Variants in CCPG1 observed in about 807,000 individuals in gnomAD.
The protein encoded by CCPG1 is cell cycle progression protein 1.
A neutral mutation model predicts 81.3 loss-of-function variants in CCPG1; 46 were observed. The observed-to-expected ratio is 0.57, with a 90% CI of 0.45 to 0.72. The LOEUF (loss-of-function observed/expected upper bound fraction) is 0.72, where lower values mean the gene tolerates loss of function less well. Among genes scored for constraint, CCPG1 ranks in the 30% least tolerant of loss-of-function variants. The probability of loss-of-function intolerance (pLI) is 0.00; values close to 1 mark genes in which losing one functional copy is unlikely to be tolerated. For synonymous variants in CCPG1, 330 were observed against 305.2 expected, an observed-to-expected ratio of 1.08 and a Z score of -0.85; for missense variants, 902 against 937.6, an observed-to-expected ratio of 0.96 and a Z score of 0.50.
intron 1 of CCPG1, among the ~76,000 whole-genome samples, chr15:55,391,889 G>GT (rs1329634091): frequency 2.8e-5 from 3 of 109,034 alleles, no homozygotes; most frequent in South Asian, 3.5e-4. Context: ...AAAAAAAAAG[G>GT]GGGGGGGGGG....
intron 1 of CCPG1, among the ~76,000 whole-genome samples, chr15:55,405,483 G>A (rs1258654589): frequency 6.6e-6 from 1 of 152,154 alleles, no homozygotes; most frequent in Non-Finnish European, 1.5e-5. Context: ...CCAGCTACTA[G>A]GAAGCAGAGG....
chr15:55,374,059 C>T (rs2056507868), intron 5 of CCPG1: 10 of 591,632 alleles, frequency 1.7e-5, no homozygotes, highest in Non-Finnish European at 2.2e-5. Flanking sequence ...TAGAGTATTG[C>T]GGATGACAAC....
chr15:55,367,644 T>C (rs2056358940), intron 6 of CCPG1, among the ~76,000 whole-genome samples: 1 of 150,538 alleles, frequency 6.6e-6, no homozygotes, highest in Non-Finnish European at 1.5e-5. Context: ...AAATCAAACC[T>C]CAACACCTGC....
chr15:55,399,419 A>G (rs867358728), intron 1 of CCPG1, among the ~76,000 whole-genome samples: 3 of 144,872 alleles, frequency 2.1e-5, no homozygotes, highest in African/African-American at 7.7e-5. Flanking sequence ...TAAAAATACA[A>G]AAAAAAAAAA....
intron 8 of CCPG1, chr15:55,358,708 C>A: frequency 1.0e-6 from 1 of 985,436 alleles, no homozygotes; most frequent in Non-Finnish European, 1.2e-6. Context: ...ACCTTAATTT[C>A]ATTTATTTAC....
At chr15:55,401,641 G>C (rs145625241) in intron 1 of CCPG1, among the ~76,000 whole-genome samples, 1,644 of 146,072 alleles carry the variant, frequency 0.011, 13 homozygotes, top group South Asian at 0.015. Flanking sequence ...ACTCCAGCCT[G>C]GGCGTAAGAA....
rs374742445 is a variant in CCPG1, at chr15:55,375,793, C to T, written c.454+1156G>A. 4.3e-4 allele frequency among the ~76,000 whole-genome samples: 65 copies of T among 151,834 alleles called. No individual in the cohort carries two copies. In the East Asian group the frequency reaches 0.011, roughly 25 times the overall value. ...CACTACAGCCTCAACCTCCCAGGCT[C>T]AAGCAATCCTCCCACCTCAGCCTCC... On this transcript the variant is annotated intron_variant, in intron 5 of 8. Transcript: ENST00000442196.
In CCPG1 at chr15:55,379,221, T is replaced by C. The variant is rs186515981; in HGVS notation, c.176-845A>G. ...AAATGCCTTATAAGAAAACATAAAC[T>C]ATAAAAAACAAGGACTCAGGCGGGG... On this transcript the variant is annotated intron_variant, in intron 3 of 8. Coordinates refer to ENST00000442196, the MANE Select transcript of CCPG1 (RefSeq NM_001204450.2). Among the ~76,000 whole-genome samples the C allele has an allele frequency of 2.2e-3, 313 of 143,304 alleles. 1 individual carries two copies. Among genetic ancestry groups the C allele is most frequent in the Non-Finnish European group, 3.9e-3 (256 of 65,388 alleles). 94.0% of individuals were successfully genotyped at this position (143,304 alleles called of 152,430 possible). A position where few individuals can be genotyped will look rare whatever the true frequency, so the allele number is the denominator to read the frequency against.
chr15:55,361,678 C>T (rs1566966670), intron 7 of CCPG1, among the ~76,000 whole-genome samples: 1 of 151,444 alleles, frequency 6.6e-6, no homozygotes, highest in Non-Finnish European at 1.5e-5. Context: ...TGCACTCCAG[C>T]CTGGCGACAG....
intron 8 of CCPG1, chr15:55,357,448 A>T (rs969872748): frequency 1.0e-6 from 1 of 985,206 alleles, no homozygotes; most frequent in Non-Finnish European, 1.2e-6. Context: ...GCTGCTACCA[A>T]TACATTAGTC....
chr15:55,365,395 T>C, intron 6 of CCPG1, 86 bp from the exon 7 acceptor site: 1 of 820,386 alleles, frequency 1.2e-6, no homozygotes, highest in Non-Finnish European at 2.0e-6. Flanking sequence ...GTAATCTGCA[T>C]ATAAGCTATG....
rs193062036 is a variant in CCPG1 at position 55,379,933 on chromosome 15, T to G, written c.176-1557A>C. Among the ~76,000 whole-genome samples the G allele has an allele frequency of 1.5e-3, 233 of 151,960 alleles. 5 individuals are homozygous for G. Among genetic ancestry groups the G allele is most frequent in the Admixed American group, 0.014 (207 of 15,258 alleles). The stretch of plus-strand genomic sequence containing the variant: ...GGCTAACACGGTGAAACCCCGTTTC[T>G]ACTAAAAATACAAAAAATTAGCCAG... On this transcript the variant is annotated intron_variant, in intron 3 of 8. Transcript: ENST00000442196.
chr15:55,385,855 T>C, intron 2 of CCPG1, 141 bp from the exon 3 acceptor site: 1 of 622,530 alleles, frequency 1.6e-6, no homozygotes, highest in Non-Finnish European at 2.9e-6. Context: ...TTAGACAAGC[T>C]TTTGTTCAAT....
intron 8 of CCPG1, chr15:55,356,871 C>T (rs1595815281): frequency 1.0e-6 from 1 of 985,980 alleles, no homozygotes; most frequent in East Asian, 1.1e-4. Flanking sequence ...AGGCTTCCGT[C>T]ACTACTTCAC....
chr15:55,383,668 T>G (rs1362201866), intron 3 of CCPG1, among the ~76,000 whole-genome samples: 1 of 152,254 alleles, frequency 6.6e-6, no homozygotes, highest in Non-Finnish European at 1.5e-5. Flanking sequence ...ACATCAGCAC[T>G]TGCTACTTCA....
In CCPG1 at chr15:55,360,497, T is replaced by A; in HGVS notation, c.1276A>T (p.Ile426Phe). The stretch of plus-strand genomic sequence containing the variant: ...AGCTCAGTGAGTCTTTCCCGTAAGA[T>A]TGCTATTTCCTTTTTTTCAGTATAT... ...NVYTEKKEIA[I>F]LRERLTELER... The change falls in exon 8 of 9, where the codon ATC (isoleucine) becomes TTC (phenylalanine). Residue 426 changes from isoleucine to phenylalanine, a missense_variant. Ile to Phe is a conservative substitution (Grantham distance 21). This residue lies in a region of CCPG1 where 746 missense variants were observed against 728.6 expected (regional missense o/e 1.02). Transcript: ENST00000442196. The A allele has an allele frequency of 6.2e-7, 1 of 1,614,164 alleles. No individual in the cohort carries two copies. Among genetic ancestry groups the A allele is most frequent in the Non-Finnish European group, 8.5e-7 (1 of 1,180,036 alleles).
intron 6 of CCPG1, 103 bp downstream of exon 6, chr15:55,371,690 C>A: frequency 8.3e-7 from 1 of 1,205,316 alleles, no homozygotes; most frequent in Non-Finnish European, 1.2e-6. Flanking sequence ...TTCAAGGCCA[C>A]ACATTTAATA....
intron 6 of CCPG1, among the ~76,000 whole-genome samples, chr15:55,369,149 G>A (rs1043533554): frequency 5.9e-5 from 9 of 152,000 alleles, no homozygotes; most frequent in Non-Finnish European, 1.2e-4. Flanking sequence ...GAATGACTAT[G>A]GGATGCAATG....
At chr15:55,394,748 G>A (rs1566981854) in intron 1 of CCPG1, among the ~76,000 whole-genome samples, 1 of 151,574 alleles carries the variant, frequency 6.6e-6, no homozygotes, top group African/African-American at 2.4e-5. Flanking sequence ...AGTTCTATTT[G>A]TGTTATCTAA....
Sources: allele counts gnomAD v4.1 joint callset (sites outside exome capture counted in the v4.1 genomes callset), GRCh38; gene constraint gnomAD v4.1.1; regional missense constraint gnomAD v4.1.1; transcripts MANE v1.5; gene names NCBI Gene and HGNC (gene_info 2026-07-23, HGNC 2026-07-21).